CEP135: variants seen among roughly 807,000 people sequenced by gnomAD.
CEP135 encodes centrosomal protein of 135 kDa.
Under a neutral mutation model 157.3 loss-of-function variants are expected in CEP135, and 142 were observed. The ratio of observed to expected loss-of-function variants is 0.90; its 90% CI spans 0.79 to 1.04. The LOEUF is 1.04. Among genes scored for constraint, CEP135 ranks in the 50% least tolerant of loss-of-function variants. CEP135 has a pLI of 0.00. For synonymous variants in CEP135, 396 were observed against 439.8 expected, an observed-to-expected ratio of 0.90 and a Z score of 1.25; for missense variants, 1,317 against 1,309.2, an observed-to-expected ratio of 1.01 and a Z score of -0.09.
Position 55,959,770 on chromosome 4 carries a change from G to C in CEP135, c.699+4G>C. On this transcript the variant is annotated splice_donor_region_variant and intron_variant, in intron 6 of 25. Transcript: ENST00000257287. ...GGTGAGAGACTATAGCAAGCAGGTA[G>C]GATTTTTATTTACTTGCATAGTAGG... is the stretch of plus-strand genomic sequence containing the variant. 1 of 1,607,562 alleles carries C rather than the reference G, an allele frequency of 6.2e-7. No individual in the cohort carries two copies. The highest frequency in any genetic ancestry group is 8.5e-7 in the Non-Finnish European group (1 of 1,174,142).
rs187675553 is a variant in CEP135, at chr4:55,988,390, T to A, written c.1857+3032T>A. On this transcript the variant is annotated intron_variant, in intron 14 of 25. Coordinates refer to ENST00000257287, the MANE Select transcript of CEP135 (RefSeq NM_025009.5). ...GTAATACATAATAGGCTGGGCATGATGGCTTACGCTTGTAATCCTAGCTCT... is the reference window on the plus strand; with the variant it reads ...GTAATACATAATAGGCTGGGCATGAAGGCTTACGCTTGTAATCCTAGCTCT... 4.6e-5 allele frequency among the ~76,000 whole-genome samples: 7 copies of A among 152,340 alleles called. No individual in the cohort carries two copies. In the East Asian group the frequency reaches 1.3e-3, roughly 29 times the overall value.
At chr4:56,020,581 G>T in intron 23 of CEP135, 95 bp from the exon 24 acceptor site, 1 of 869,760 alleles carries the variant, frequency 1.1e-6, no homozygotes, top group Non-Finnish European at 1.8e-6. Flanking sequence ...CTTGTTGAAA[G>T]GTCTTGATCT....
chr4:55,978,680 A>G lies in CEP135; in HGVS notation c.1474-1463A>G, dbSNP rs1328442202. On this transcript the variant is annotated intron_variant, in intron 11 of 25. Coordinates refer to ENST00000257287, the MANE Select transcript of CEP135 (RefSeq NM_025009.5). The stretch of plus-strand genomic sequence containing the variant: ...ATCCTCTTCCCTCAGCCTCCCAAGT[A>G]GCTAGGACTACAAGTGTGCACCACT... Among the ~76,000 whole-genome samples, 3 of 152,164 alleles carry G rather than the reference A, an allele frequency of 2.0e-5. No individual in the cohort carries two copies. In the East Asian group the frequency reaches 5.8e-4, roughly 29 times the overall value.
intron 8 of CEP135, among the ~76,000 whole-genome samples, chr4:55,966,818 G>GT (rs1728859064): frequency 6.6e-6 from 1 of 152,006 alleles, no homozygotes; most frequent in Non-Finnish European, 1.5e-5. Flanking sequence ...TTAAAACTGT[G>GT]TATGTCCTTG....
chr4:55,954,526 T>C lies in CEP135; in HGVS notation c.472+143T>C, dbSNP rs1728452648. 29 of 571,748 alleles carry C rather than the reference T, an allele frequency of 5.1e-5. 1 individual carries two copies. The East Asian group carries it at 9.5e-4, about 19-fold the overall frequency. 35.4% of individuals were successfully genotyped at this position (571,748 alleles called of 1,614,324 possible). On this transcript the variant is annotated intron_variant, in intron 4 of 25. Transcript: ENST00000257287. ...AATATATATTGAATAGACCGTAAAC[T>C]TCTTGATTTATTTCTAATGATCCGG...
At chr4:55,953,602 C>T (rs1240246072) in intron 3 of CEP135, among the ~76,000 whole-genome samples, 1 of 151,956 alleles carries the variant, frequency 6.6e-6, no homozygotes, top group Non-Finnish European at 1.5e-5. Context: ...AATAAATGTG[C>T]ATTATATAGC....
At chr4:55,986,296 G>A (rs2109692765) in intron 14 of CEP135, among the ~76,000 whole-genome samples, 1 of 152,262 alleles carries the variant, frequency 6.6e-6, no homozygotes, top group South Asian at 2.1e-4. Flanking sequence ...CAACACTTTG[G>A]GAGGCCAAGG....
At chr4:55,960,899 C>T (rs2109649593) in intron 6 of CEP135, 1 of 132,844 alleles carries the variant, frequency 7.5e-6, no homozygotes, top group Admixed American at 9.1e-5. Context: ...GCACTCCAGC[C>T]TGGGCGACAG....
intron 15 of CEP135, among the ~76,000 whole-genome samples, chr4:55,993,394 G>A (rs1266918566): frequency 6.6e-6 from 1 of 152,150 alleles, no homozygotes; most frequent in Non-Finnish European, 1.5e-5. Flanking sequence ...CCAAGAACTG[G>A]GTGTGTCTAG....
chr4:55,968,996 C>A, intron 8 of CEP135, 67 bp from the exon 9 acceptor site: 1 of 1,177,608 alleles, frequency 8.5e-7, no homozygotes, highest in Non-Finnish European at 1.2e-6. Flanking sequence ...ATTACTTGAT[C>A]TATTTGCATA....
intron 14 of CEP135, among the ~76,000 whole-genome samples, chr4:55,989,435 A>T (rs1040080120): frequency 6.6e-6 from 1 of 152,228 alleles, no homozygotes; most frequent in Admixed American, 6.5e-5. Context: ...CTTGCCTAAG[A>T]TCACACAGCT....
At chr4:55,988,181 A>G (rs566879313) in intron 14 of CEP135, among the ~76,000 whole-genome samples, 3 of 149,112 alleles carry the variant, frequency 2.0e-5, no homozygotes, top group African/African-American at 4.9e-5. Context: ...AACTTGATCT[A>G]TAGAGTTGAG....
chr4:56,011,615 A>C, intron 20 of CEP135, 93 bp downstream of exon 20: 1 of 1,021,072 alleles, frequency 9.8e-7, no homozygotes, highest in Admixed American at 2.8e-5. Flanking sequence ...TAAACATTTT[A>C]AAGTAGAGAT....
At chr4:56,011,289 G>T in intron 19 of CEP135, 123 bp from the exon 20 acceptor site, 1 of 640,720 alleles carries the variant, frequency 1.6e-6, no homozygotes, top group Non-Finnish European at 2.6e-6. Context: ...TAACACTTAG[G>T]AACAGTTTTC....
At position 56,008,321 on chromosome 4, in the gene CEP135, C is replaced by A. The variant is rs770168145; in HGVS notation, c.2281-6C>A. ...AAAATCTTACACATTTTTGTAATTT[C>A]TATAGGAAAAAGCTGTTGCTCAAAT... On this transcript the variant is annotated splice_region_variant and splice_polypyrimidine_tract_variant and intron_variant, in intron 17 of 25. Transcript: ENST00000257287. The A allele has an allele frequency of 1.9e-6, 3 of 1,602,628 alleles. No individual in the cohort carries two copies. Among genetic ancestry groups the A allele is most frequent in the Non-Finnish European group, 2.6e-6 (3 of 1,173,652 alleles).
chr4:55,954,214 A>T lies in CEP135; in HGVS notation c.305-2A>T. 6.4e-7 allele frequency: 1 copy of T among 1,562,660 alleles called. No individual in the cohort carries two copies. The highest frequency in any genetic ancestry group is 2.1e-5 in the Admixed American group (1 of 48,132). On this transcript the variant is annotated splice_acceptor_variant, in intron 3 of 25. Transcript: ENST00000257287. LOFTEE classifies it high-confidence loss of function. ...CGGTCTTTGAATCTTTTTCATTTTA[A>T]GAGTTGAAAACTTCATTGAAGAAAT...
chr4:55,964,268 C>G lies in CEP135; in HGVS notation c.700-6C>G. 1 of 1,603,724 alleles carries G rather than the reference C, an allele frequency of 6.2e-7. No individual in the cohort carries two copies. Among genetic ancestry groups the G allele is most frequent in the Non-Finnish European group, 8.5e-7 (1 of 1,176,256 alleles). On this transcript the variant is annotated splice_region_variant and splice_polypyrimidine_tract_variant and intron_variant, in intron 6 of 25. Transcript: ENST00000257287. ...TTTTAAAATGACAGCATGACTATATCTTCAGATTGAGCTAAGAGAACGAGA... is the reference window on the plus strand; with the variant it reads ...TTTTAAAATGACAGCATGACTATATGTTCAGATTGAGCTAAGAGAACGAGA...
In CEP135 at chr4:55,980,181, A is replaced by G; in HGVS notation, c.1512A>G (p.Glu504=). ...CAGAAATTCATCAGATCACAAGAGAAAGAGATGAACTTCAGCGTATGCTAG... is the reference window on the plus strand; with the variant it reads ...CAGAAATTCATCAGATCACAAGAGAGAGAGATGAACTTCAGCGTATGCTAG... ...YNSEIHQITR[E]RDELQRMLER... Residue 504 remains glutamate, a synonymous_variant, in exon 12 of 26, where the codon GAA becomes GAG. Transcript: ENST00000257287. 1 of 1,611,078 alleles carries G rather than the reference A, an allele frequency of 6.2e-7. No individual in the cohort carries two copies. The highest frequency in any genetic ancestry group is 8.5e-7 in the Non-Finnish European group (1 of 1,178,460).
Position 55,954,214 on chromosome 4 carries a change from A to G in CEP135, c.305-2A>G. The G allele has an allele frequency of 6.4e-7, 1 of 1,562,660 alleles. No individual in the cohort carries two copies. The highest frequency in any genetic ancestry group is 8.6e-7 in the Non-Finnish European group (1 of 1,159,944). On this transcript the variant is annotated splice_acceptor_variant, in intron 3 of 25. Coordinates refer to ENST00000257287, the MANE Select transcript of CEP135 (RefSeq NM_025009.5). LOFTEE classifies it high-confidence loss of function. ...CGGTCTTTGAATCTTTTTCATTTTAAGAGTTGAAAACTTCATTGAAGAAAT... is the reference window on the plus strand; with the variant it reads ...CGGTCTTTGAATCTTTTTCATTTTAGGAGTTGAAAACTTCATTGAAGAAAT...
Sources: allele counts gnomAD v4.1 joint callset (sites outside exome capture counted in the v4.1 genomes callset), GRCh38; gene constraint gnomAD v4.1.1; transcripts MANE v1.5; gene names NCBI Gene and HGNC (gene_info 2026-07-23, HGNC 2026-07-21).